USP24: variants seen among roughly 807,000 people sequenced by gnomAD.
USP24 encodes the protein ubiquitin carboxyl-terminal hydrolase 24.
USP24 carries 97 observed loss-of-function variants against 361.6 expected under a neutral mutation model. The observed-to-expected ratio is 0.27, with a 90% CI of 0.23 to 0.32. The LOEUF (loss-of-function observed/expected upper bound fraction) is 0.32. Ranked by LOEUF, USP24 falls within the 10% of genes least tolerant of loss-of-function variation. The pLI, the probability that USP24 is intolerant of heterozygous loss-of-function variation, is 1.00. For missense variants in USP24, 2,353 were observed against 3,165.6 expected (o/e 0.74, Z 6.16); for synonymous variants, 1,098 against 1,124.6 (o/e 0.98, Z 0.47).
intron 41 of USP24, among the ~76,000 whole-genome samples, chr1:55,104,684 G>C (rs1645725879): frequency 1.3e-5 from 2 of 152,258 alleles, no homozygotes; most frequent in South Asian, 2.1e-4. Context: ...ACAGAAAAGA[G>C]GATAGCCAAC....
In USP24 at chr1:55,096,973, T is replaced by C; in HGVS notation, c.5915A>G (p.Tyr1972Cys). 6.2e-7 allele frequency: 1 copy of C among 1,613,760 alleles called. No homozygotes were observed. Among genetic ancestry groups the C allele is most frequent in the South Asian group, 1.1e-5 (1 of 91,046 alleles). Residue 1972 changes from tyrosine (Y) to cysteine (C), a missense_variant, in exon 49 of 68, where the codon TAT (tyrosine) becomes TGT (cysteine). Tyr to Cys is a radical substitution (Grantham distance 194). Coordinates refer to ENST00000294383, the MANE Select transcript of USP24 (RefSeq NM_015306.3). ...HSGQAHAGHYYSFIKDRRGCG... is the reference protein window; with the variant it reads ...HSGQAHAGHYCSFIKDRRGCG... ...TTACCGCCTGTCCTTAATGAAGGAA[T>C]AGTAGTGGCCTGCGTGTGCCTGCCC...
chr1:55,104,070 A>C, intron 41 of USP24, 50 bp from the exon 42 acceptor site: 1 of 1,537,266 alleles, frequency 6.5e-7, no homozygotes, highest in Non-Finnish European at 8.8e-7. Flanking sequence ...ATCTACTTAA[A>C]TTACTCATTA....
In USP24 at chr1:55,067,867, T is replaced by A. The variant is rs1644849486; in HGVS notation, c.*1178A>T. 6.6e-6 allele frequency: 1 copy of A among 152,144 alleles called. No homozygotes were observed. Among genetic ancestry groups the A allele is most frequent in the South Asian group, 2.1e-4 (1 of 4,836 alleles). The allele number at this position is 152,144 out of a possible 1,614,324, so 9.4% of individuals were successfully genotyped here. ...ATAAAAGGGAGCTGGTATAAATGAG[T>A]GAATGGTGCTATACTTTGGAAATAC... is the stretch of plus-strand genomic sequence containing the variant. On this transcript the variant is annotated 3_prime_UTR_variant, in exon 68 of 68. Transcript: ENST00000294383.
chr1:55,203,884 A>G (rs1245806158), intron 1 of USP24, among the ~76,000 whole-genome samples: 1 of 152,182 alleles, frequency 6.6e-6, no homozygotes, highest in African/African-American at 2.4e-5. Flanking sequence ...GACACCTAAC[A>G]TTTTCTCAAA....
chr1:55,077,303 G>A lies in USP24; in HGVS notation c.7315-3C>T, dbSNP rs1359671112. The A allele has an allele frequency of 6.4e-7, 1 of 1,552,030 alleles. No individual in the cohort carries two copies. Among genetic ancestry groups the A allele is most frequent in the Non-Finnish European group, 8.7e-7 (1 of 1,144,782 alleles). ...GGTGGAGCCGTTTCTAGTTGGTTCT[G>A]AAATATTTTTTAAAAGCATAAAAAC... On this transcript the variant is annotated splice_region_variant and splice_polypyrimidine_tract_variant and intron_variant, in intron 61 of 67. Transcript: ENST00000294383.
At chr1:55,117,584 C>T (rs1406369990) in intron 38 of USP24, among the ~76,000 whole-genome samples, 9 of 151,472 alleles carry the variant, frequency 5.9e-5, no homozygotes, top group African/African-American at 1.7e-4. Flanking sequence ...AAAAATTAGC[C>T]GGGCGCGGTG....
chr1:55,131,055 C>A (rs1412219603), intron 31 of USP24, among the ~76,000 whole-genome samples: 2 of 152,124 alleles, frequency 1.3e-5, no homozygotes, highest in African/African-American at 4.8e-5. Flanking sequence ...ATTGTTGGAC[C>A]ATTCTGTTTT....
intron 31 of USP24, among the ~76,000 whole-genome samples, chr1:55,130,661 T>C (rs1369125618): frequency 6.6e-6 from 1 of 152,216 alleles, no homozygotes; most frequent in Non-Finnish European, 1.5e-5. Context: ...AAGGAACCTG[T>C]GCTCTTCTAA....
intron 63 of USP24, among the ~76,000 whole-genome samples, chr1:55,074,919 G>A (rs1644995117): frequency 6.6e-6 from 1 of 152,134 alleles, no homozygotes. Flanking sequence ...AATGGTGGAA[G>A]CTGGCTAAAA....
At chr1:55,122,952 G>A (rs1646325378) in intron 36 of USP24, among the ~76,000 whole-genome samples, 3 of 152,228 alleles carry the variant, frequency 2.0e-5, no homozygotes, top group East Asian at 1.9e-4. Context: ...GAAACTGCAC[G>A]AGATCACCAA....
intron 67 of USP24, among the ~76,000 whole-genome samples, chr1:55,070,474 C>T (rs1444814433): frequency 6.6e-6 from 1 of 152,268 alleles, no homozygotes; most frequent in Non-Finnish European, 1.5e-5. Context: ...ACGGGAAGAG[C>T]GCCAGGAGCG....
At chr1:55,159,067 A>T in intron 9 of USP24, 31 bp from the exon 10 acceptor site, 1 of 1,420,886 alleles carries the variant, frequency 7.0e-7, no homozygotes, top group Non-Finnish European at 9.3e-7. Flanking sequence ...AAAAACAAAA[A>T]AGGAACTGTA....
rs1570385683 is a variant in USP24 at position 55,094,157 on chromosome 1, C to T, written c.6204-70G>A. The T allele has an allele frequency of 9.5e-6, 14 of 1,476,060 alleles. No homozygotes were observed. In the East Asian group the frequency reaches 3.4e-4, roughly 35 times the overall value. The allele number at this position is 1,476,060 out of a possible 1,614,324, so 91.4% of individuals were successfully genotyped here. A position where few individuals can be genotyped will look rare whatever the true frequency, so the allele number is the denominator to read the frequency against. On this transcript the variant is annotated intron_variant, in intron 51 of 67. Transcript: ENST00000294383. Reference sequence around the variant, plus strand: ...TTTTTTCAGTAGTTACTAAGACTTGCCAAATTCACATAAACGGGTATTAGA... The same window carrying T: ...TTTTTTCAGTAGTTACTAAGACTTGTCAAATTCACATAAACGGGTATTAGA...
chr1:55,162,331 A>C, intron 7 of USP24, 67 bp from the exon 8 acceptor site: 1 of 1,365,158 alleles, frequency 7.3e-7, no homozygotes, highest in Non-Finnish European at 9.8e-7. Context: ...AATTAAACAA[A>C]TCCCTTTTCA....
intron 56 of USP24, 37 bp downstream of exon 56, chr1:55,085,905 C>T: frequency 6.3e-7 from 1 of 1,583,434 alleles, no homozygotes; most frequent in Non-Finnish European, 8.7e-7. Flanking sequence ...TTGGTAAAAA[C>T]ACAGTGTATA....
intron 59 of USP24, among the ~76,000 whole-genome samples, chr1:55,080,363 A>C (rs1645125215): frequency 6.6e-6 from 1 of 152,190 alleles, no homozygotes; most frequent in Non-Finnish European, 1.5e-5. Flanking sequence ...CTCTATCAGA[A>C]GGATGCTCTG....
chr1:55,166,508 G>C, intron 6 of USP24, 60 bp downstream of exon 6: 1 of 1,461,876 alleles, frequency 6.8e-7, no homozygotes, highest in Non-Finnish European at 9.3e-7. Context: ...CCAAACTCTA[G>C]GACGTCTCAT....
At chr1:55,199,150 A>T (rs1281000801) in intron 1 of USP24, among the ~76,000 whole-genome samples, 2 of 152,088 alleles carry the variant, frequency 1.3e-5, no homozygotes, top group Non-Finnish European at 2.9e-5. Flanking sequence ...TTAGTCAGGC[A>T]TGGTGGCGGG....
At chr1:55,203,202 T>C (rs927378623) in intron 1 of USP24, among the ~76,000 whole-genome samples, 2 of 152,186 alleles carry the variant, frequency 1.3e-5, no homozygotes, top group Non-Finnish European at 2.9e-5. Context: ...CTAGTGTATA[T>C]CTAACAAAGG....
Sources: gnomAD v4.1 joint callset for allele counts (sites outside exome capture counted in the v4.1 genomes callset) on GRCh38, gnomAD v4.1.1 for gene constraint, MANE v1.5 for transcripts, NCBI Gene and HGNC (gene_info 2026-07-23, HGNC 2026-07-21) for gene names.